PLEKHG1: variants seen among roughly 807,000 people sequenced by gnomAD.
PLEKHG1 encodes the protein pleckstrin homology and RhoGEF domain containing G1, also known as pleckstrin homology domain-containing family G member 1.
In PLEKHG1, 44 loss-of-function variants were observed where a neutral mutation model predicts 100.8. That is an observed-to-expected ratio of 0.44 (90% CI 0.34 to 0.56). PLEKHG1 has a LOEUF of 0.56. PLEKHG1 is among the 20% of genes least tolerant of loss of function. PLEKHG1 has a pLI of 0.01. For missense variants in PLEKHG1, 1,545 were observed against 1,720.9 expected, an observed-to-expected ratio of 0.90 and a Z score of 1.81; for synonymous variants, 640 against 662.5, an observed-to-expected ratio of 0.97 and a Z score of 0.52.
chr6:150,708,668 C>T (rs1486178022), intron 3 of PLEKHG1, among the ~76,000 whole-genome samples: 1 of 152,094 alleles, frequency 6.6e-6, no homozygotes, highest in Non-Finnish European at 1.5e-5. Flanking sequence ...ATAAGAGTTC[C>T]TTGAATAATT....
intron 6 of PLEKHG1, among the ~76,000 whole-genome samples, chr6:150,804,175 A>ATATATATATATATATATATAT: frequency 2.3e-5 from 1 of 43,174 alleles, no homozygotes; most frequent in Non-Finnish European, 3.9e-5. Context: ...ATATATATAT[A>ATATATATATATATATATATAT]TTTTTTTTTT....
rs761965000 is a variant in PLEKHG1 at position 150,840,867 on chromosome 6, C to T, written c.4129C>T (p.Gln1377Ter). Residue 1377 changes from glutamine (Q) to a stop codon, truncating the protein, a stop_gained, in exon 16 of 16, where the codon CAG (glutamine) becomes TAG (stop). Coordinates refer to ENST00000358517, the Ensembl canonical transcript of PLEKHG1. LOFTEE classifies it high-confidence loss of function. ...TGTCCAGTCTCTAAGGGAAAAATTT[C>T]AGTGTCTCAGTTCAAGCAGCTTTGC... 1 of 1,611,958 alleles carries T rather than the reference C, an allele frequency of 6.2e-7. No individual in the cohort carries two copies. Among genetic ancestry groups the T allele is most frequent in the East Asian group, 2.2e-5 (1 of 44,854 alleles).
intron 1 of PLEKHG1, among the ~76,000 whole-genome samples, chr6:150,629,362 T>C (rs1300493301): frequency 2.6e-5 from 4 of 152,176 alleles, no homozygotes; most frequent in East Asian, 1.9e-4. Flanking sequence ...GGAATATTCA[T>C]ACAAGGAACT....
intron 14 of PLEKHG1, among the ~76,000 whole-genome samples, chr6:150,829,809 C>T (rs1352025637): frequency 3.9e-5 from 6 of 151,982 alleles, no homozygotes; most frequent in Admixed American, 1.3e-4. Context: ...GTAATGCTGG[C>T]CATGTTCGTG....
intron 1 of PLEKHG1, among the ~76,000 whole-genome samples, chr6:150,630,852 G>T (rs1034652564): frequency 2.6e-5 from 4 of 152,148 alleles, no homozygotes; most frequent in African/African-American, 9.7e-5. Context: ...AATGGGGAAG[G>T]AGCTGCCAGC....
chr6:150,639,571 A>G (rs964114834), intron 2 of PLEKHG1, among the ~76,000 whole-genome samples: 2 of 151,466 alleles, frequency 1.3e-5, no homozygotes, highest in East Asian at 1.9e-4. Flanking sequence ...TTGAAAAACA[A>G]TTTTGCAGTT....
chr6:150,792,561 C>T (rs1020624325), intron 4 of PLEKHG1, among the ~76,000 whole-genome samples: 4 of 151,798 alleles, frequency 2.6e-5, no homozygotes, highest in Non-Finnish European at 5.9e-5. Context: ...GTAGTCCCAG[C>T]TACTCAGGAG....
chr6:150,623,988 C>T lies in PLEKHG1; in HGVS notation c.-203-14092C>T, dbSNP rs143129353. Among the ~76,000 whole-genome samples, 15 of 152,316 alleles carry T rather than the reference C, an allele frequency of 9.8e-5. No homozygotes were observed. In the East Asian group the frequency reaches 1.2e-3, roughly 12 times the overall value. On this transcript the variant is annotated intron_variant, in intron 1 of 3. Transcript: ENST00000367326. Reference sequence around the variant, plus strand: ...GCAGTTGAGCTGGATGCAGTAATAACGCCTTATCAGATTAATGTATTAGAT... The same window carrying T: ...GCAGTTGAGCTGGATGCAGTAATAATGCCTTATCAGATTAATGTATTAGAT...
intron 3 of PLEKHG1, among the ~76,000 whole-genome samples, chr6:150,655,177 G>A (rs1778915572): frequency 6.6e-6 from 1 of 152,170 alleles, no homozygotes; most frequent in African/African-American, 2.4e-5. Flanking sequence ...CTTTTACACT[G>A]CTGGTGGGAG....
At chr6:150,812,447 G>C (rs899510052) in intron 10 of PLEKHG1, among the ~76,000 whole-genome samples, 12 of 152,152 alleles carry the variant, frequency 7.9e-5, no homozygotes, top group Non-Finnish European at 1.6e-4. Flanking sequence ...CAAGGAAAAA[G>C]CACATCTCAG....
intron 2 of PLEKHG1, 135 bp downstream of exon 3, chr6:150,734,227 A>G: frequency 1.1e-6 from 1 of 876,238 alleles, no homozygotes; most frequent in Non-Finnish European, 1.8e-6. Context: ...AGAGAGTAAT[A>G]AGAGAAACCC....
At chr6:150,809,042 C>A in intron 7 of PLEKHG1, 63 bp from the exon 9 acceptor site, 1 of 1,439,286 alleles carries the variant, frequency 6.9e-7, no homozygotes, top group Non-Finnish European at 9.6e-7. Flanking sequence ...ACAGATGGGC[C>A]ACCAAGCCCT....
At chr6:150,610,625 GA>G (rs1186820675) in intron 1 of PLEKHG1, among the ~76,000 whole-genome samples, 3 of 151,754 alleles carry the variant, frequency 2.0e-5, no homozygotes, top group Non-Finnish European at 2.9e-5. Flanking sequence ...GAAGAGGAAG[GA>G]AAAAAAAGAG....
At chr6:150,639,335 T>C (rs548633799) in intron 2 of PLEKHG1, among the ~76,000 whole-genome samples, 2 of 152,218 alleles carry the variant, frequency 1.3e-5, no homozygotes, top group African/African-American at 4.8e-5. Flanking sequence ...TTTAAGAAAT[T>C]GACAATGAAC....
At chr6:150,700,815 G>A (rs1780742355) in intron 3 of PLEKHG1, among the ~76,000 whole-genome samples, 1 of 152,144 alleles carries the variant, frequency 6.6e-6, no homozygotes, top group African/African-American at 2.4e-5. Context: ...TGAGGAATTA[G>A]TCTAATACAG....
intron 3 of PLEKHG1, among the ~76,000 whole-genome samples, chr6:150,678,666 TTC>T (rs1779839205): frequency 6.6e-6 from 1 of 152,200 alleles, no homozygotes; most frequent in African/African-American, 2.4e-5. Flanking sequence ...TGGCTTAAGG[TTC>T]TGCACCAATC....
intron 3 of PLEKHG1, among the ~76,000 whole-genome samples, chr6:150,661,126 G>A (rs1779172498): frequency 6.6e-6 from 1 of 152,190 alleles, no homozygotes; most frequent in Non-Finnish European, 1.5e-5. Context: ...GAATTTGAAT[G>A]TGTTGCTTTG....
At chr6:150,648,473 A>G (rs1280676857) in intron 2 of PLEKHG1, among the ~76,000 whole-genome samples, 1 of 152,148 alleles carries the variant, frequency 6.6e-6, no homozygotes, top group Non-Finnish European at 1.5e-5. Context: ...CTTTGAAGAT[A>G]AGAATAAGTG....
intron 2 of PLEKHG1, among the ~76,000 whole-genome samples, chr6:150,746,378 A>G (rs1221368048): frequency 1.3e-5 from 2 of 152,172 alleles, no homozygotes; most frequent in African/African-American, 4.8e-5. Context: ...ACTTGTTACA[A>G]ATAGGTTTCA....
Sources: allele counts gnomAD v4.1 joint callset (sites outside exome capture counted in the v4.1 genomes callset), GRCh38; gene constraint gnomAD v4.1.1; transcripts MANE v1.5; gene names NCBI Gene and HGNC (gene_info 2026-07-23, HGNC 2026-07-21).